The following CCDC170 variants were observed in gnomAD, a reference collection of about 807,000 sequenced individuals.
The protein encoded by CCDC170 is coiled-coil domain-containing protein 170.
A neutral mutation model predicts 72.6 loss-of-function variants in CCDC170; 69 were observed. The ratio of observed to expected loss-of-function variants is 0.95; its 90% CI spans 0.78 to 1.16. The LOEUF is 1.16. Among genes scored for constraint, CCDC170 ranks in the 50% most tolerant of loss-of-function variants. The pLI is 0.00. For missense variants in CCDC170, 852 were observed against 832.5 expected (o/e 1.02, Z -0.29); for synonymous variants, 300 against 303.9 (o/e 0.99, Z 0.13).
rs1229361755 is a variant in CCDC170 at position 151,619,001 on chromosome 6, A to AG, written c.*855dup. The AG allele has an allele frequency of 1.4e-4, 11 of 79,290 alleles. No homozygotes were observed. Among genetic ancestry groups the AG allele is most frequent in the Non-Finnish European group, 2.3e-4 (9 of 39,930 alleles). The allele number at this position is 79,290 out of a possible 1,614,324, so 4.9% of individuals were successfully genotyped here. On this transcript the variant is annotated 3_prime_UTR_variant, in exon 11 of 11. Transcript: ENST00000239374. ...GGGCGACAGAGTGAAACTACATCTC[A>AG]GAAAAAAAAAAAAAAAAAAAAAAAA...
At chr6:151,509,326 C>T (rs1782114077) in intron 1 of CCDC170, among the ~76,000 whole-genome samples, 1 of 152,066 alleles carries the variant, frequency 6.6e-6, no homozygotes. Flanking sequence ...TCCACCATTC[C>T]TTTCTCAGTG....
chr6:151,499,497 T>A (rs57058508), intron 1 of CCDC170, among the ~76,000 whole-genome samples: 6 of 94,236 alleles, frequency 6.4e-5, no homozygotes, highest in African/African-American at 2.3e-4. Flanking sequence ...TTCTAGGCAC[T>A]CTGTATAAGT....
rs532009708 is a variant in CCDC170 at position 151,591,865 on chromosome 6, C to T, written c.1294-1242C>T. 2.6e-5 allele frequency among the ~76,000 whole-genome samples: 4 copies of T among 152,144 alleles called. No individual in the cohort carries two copies. In the East Asian group the frequency reaches 5.8e-4, roughly 22 times the overall value. On this transcript the variant is annotated intron_variant, in intron 7 of 10. Coordinates refer to ENST00000239374, the MANE Select transcript of CCDC170 (RefSeq NM_025059.4). ...ATAAAAAAGACCCCAAAATGTTGTTCGAAATTTTGTTTGTATGGTGAGCTT... is the reference window on the plus strand; with the variant it reads ...ATAAAAAAGACCCCAAAATGTTGTTTGAAATTTTGTTTGTATGGTGAGCTT...
rs558524366 is a variant in CCDC170 at position 151,565,178 on chromosome 6, C to G, written c.775-7996C>G. Among the ~76,000 whole-genome samples the G allele has an allele frequency of 2.0e-5, 3 of 152,274 alleles. No individual in the cohort carries two copies. In the South Asian group the frequency reaches 6.2e-4, roughly 32 times the overall value. ...CTGCAGGTGGGGTATGGCAGTGGGG[C>G]TCCTGGGATGTGGAGATGCAGGGGC... On this transcript the variant is annotated intron_variant, in intron 5 of 10. Transcript: ENST00000239374.
At position 151,536,308 on chromosome 6, in the gene CCDC170, A is replaced by G; in HGVS notation, c.58-10A>G. On this transcript the variant is annotated splice_polypyrimidine_tract_variant and intron_variant, in intron 1 of 10. Coordinates refer to ENST00000239374, the MANE Select transcript of CCDC170 (RefSeq NM_025059.4). ...TCTTTATATTTTGTATTTTGGGGGA[A>G]TTCTACCAGGAAACTTACGATCATC... 1 of 1,612,786 alleles carries G rather than the reference A, an allele frequency of 6.2e-7. No homozygotes were observed. Among genetic ancestry groups the G allele is most frequent in the Non-Finnish European group, 8.5e-7 (1 of 1,178,796 alleles).
At chr6:151,548,632 G>A (rs2115058996) in intron 5 of CCDC170, 143 bp downstream of exon 5, 1 of 628,402 alleles carries the variant, frequency 1.6e-6, no homozygotes. Context: ...GCACTCAGCA[G>A]GAGGGTTGGG....
chr6:151,589,716 G>T (rs770345313), intron 7 of CCDC170, among the ~76,000 whole-genome samples: 1 of 152,104 alleles, frequency 6.6e-6, no homozygotes, highest in Non-Finnish European at 1.5e-5. Flanking sequence ...CTTAATGAAA[G>T]GTATGCCTAA....
At chr6:151,507,022 C>T (rs888896602) in intron 1 of CCDC170, among the ~76,000 whole-genome samples, 2 of 152,172 alleles carry the variant, frequency 1.3e-5, no homozygotes, top group Non-Finnish European at 2.9e-5. Flanking sequence ...CATACACATC[C>T]TATTGGTTCT....
At chr6:151,556,956 TC>T (rs1001131662) in intron 5 of CCDC170, among the ~76,000 whole-genome samples, 1 of 152,202 alleles carries the variant, frequency 6.6e-6, no homozygotes, top group African/African-American at 2.4e-5. Context: ...CTCTTTTAGT[TC>T]CTGCATATGA....
chr6:151,586,633 A>G (rs952060521), intron 7 of CCDC170, among the ~76,000 whole-genome samples: 11 of 151,990 alleles, frequency 7.2e-5, no homozygotes, highest in African/African-American at 2.4e-4. Flanking sequence ...TGAATCCTCC[A>G]TGGCTGGAAC....
intron 1 of CCDC170, among the ~76,000 whole-genome samples, chr6:151,516,658 TGAAA>T (rs2115030128): frequency 6.6e-6 from 1 of 152,160 alleles, no homozygotes; most frequent in Admixed American, 6.5e-5. Flanking sequence ...CTCTCTCCCT[TGAAA>T]GAGAGAGGAG....
At chr6:151,588,503 C>T (rs1297812244) in intron 7 of CCDC170, among the ~76,000 whole-genome samples, 1 of 152,006 alleles carries the variant, frequency 6.6e-6, no homozygotes, top group Non-Finnish European at 1.5e-5. Flanking sequence ...TCAGACTAGC[C>T]CAGTTCAGAA....
intron 9 of CCDC170, among the ~76,000 whole-genome samples, chr6:151,611,411 G>A (rs1474336679): frequency 2.6e-5 from 4 of 152,214 alleles, no homozygotes; most frequent in Non-Finnish European, 5.9e-5. Flanking sequence ...GGTGCCAGCA[G>A]ATTTGATGTC....
At chr6:151,528,277 A>G (rs372518960) in intron 1 of CCDC170, among the ~76,000 whole-genome samples, 19 of 152,124 alleles carry the variant, frequency 1.2e-4, no homozygotes, top group Admixed American at 3.9e-4. Flanking sequence ...AATTTTTTTA[A>G]GGGAAGATTG....
chr6:151,613,260 G>T (rs761953783), intron 9 of CCDC170, among the ~76,000 whole-genome samples: 3 of 151,984 alleles, frequency 2.0e-5, no homozygotes, highest in Non-Finnish European at 4.4e-5. Context: ...AAAAATTAGC[G>T]GGCATGGTGG....
At chr6:151,537,547 C>T (rs145064201) in intron 2 of CCDC170, among the ~76,000 whole-genome samples, 4 of 151,416 alleles carry the variant, frequency 2.6e-5, no homozygotes, top group African/African-American at 9.7e-5. Context: ...GTTTTTTTTC[C>T]CAGAAATTTA....
intron 1 of CCDC170, among the ~76,000 whole-genome samples, chr6:151,518,197 C>T (rs1422609360): frequency 1.3e-5 from 2 of 152,134 alleles, no homozygotes; most frequent in Non-Finnish European, 2.9e-5. Context: ...TTTGTTAATG[C>T]TTCTGGGTGG....
At chr6:151,537,083 G>C (rs187652705) in intron 2 of CCDC170, among the ~76,000 whole-genome samples, 3 of 152,258 alleles carry the variant, frequency 2.0e-5, no homozygotes, top group Admixed American at 2.0e-4. Flanking sequence ...CCTTTAATGT[G>C]GGTTGCTTGC....
At chr6:151,530,832 A>T (rs969471327) in intron 1 of CCDC170, among the ~76,000 whole-genome samples, 1 of 152,134 alleles carries the variant, frequency 6.6e-6, no homozygotes, top group African/African-American at 2.4e-5. Flanking sequence ...GTGAGGTGGG[A>T]CATTTCTCAT....
Sources: gnomAD v4.1 joint callset for allele counts (sites outside exome capture counted in the v4.1 genomes callset) on GRCh38, gnomAD v4.1.1 for gene constraint, MANE v1.5 for transcripts, NCBI Gene and HGNC (gene_info 2026-07-23, HGNC 2026-07-21) for gene names.